CSMD3: variants seen among roughly 807,000 people sequenced by gnomAD.
CSMD3 encodes the protein CUB and sushi domain-containing protein 3.
A neutral mutation model predicts 435.2 loss-of-function variants in CSMD3; 177 were observed. The observed-to-expected ratio is 0.41, with a 90% CI of 0.36 to 0.46. CSMD3 has a LOEUF of 0.46. Ranked by LOEUF, CSMD3 falls within the 20% of genes least tolerant of loss-of-function variation. The pLI, the probability that CSMD3 is intolerant of heterozygous loss-of-function variation, is 0.34. For synonymous variants in CSMD3, 1,656 were observed against 1,520.5 expected (o/e 1.09, Z -2.07); for missense variants, 4,265 against 4,504.6 (o/e 0.95, Z 1.52).
At chr8:113,131,881 G>A (rs1390683205) in intron 4 of CSMD3, among the ~76,000 whole-genome samples, 1 of 152,186 alleles carries the variant, frequency 6.6e-6, no homozygotes, top group Non-Finnish European at 1.5e-5. Flanking sequence ...CTTGCATCTA[G>A]GCAAGTTCTC....
intron 13 of CSMD3, among the ~76,000 whole-genome samples, chr8:112,751,396 A>C (rs1233247840): frequency 1.3e-5 from 2 of 152,170 alleles, no homozygotes; most frequent in Non-Finnish European, 2.9e-5. Context: ...TGATATATAA[A>C]TTGCAAATAT....
At chr8:112,325,466 C>A (rs1735693526) in intron 45 of CSMD3, among the ~76,000 whole-genome samples, 1 of 152,012 alleles carries the variant, frequency 6.6e-6, no homozygotes, top group Admixed American at 6.6e-5. Flanking sequence ...AAGAATTATG[C>A]ATTTGTTTAC....
intron 1 of CSMD3, among the ~76,000 whole-genome samples, chr8:113,357,643 C>T (rs1285573484): frequency 6.6e-6 from 1 of 151,938 alleles, no homozygotes; most frequent in African/African-American, 2.4e-5. Flanking sequence ...GGCTTGTGCC[C>T]CCACCCAAAT....
At chr8:112,449,262 G>GA (rs918997015) in intron 32 of CSMD3, among the ~76,000 whole-genome samples, 13 of 152,010 alleles carry the variant, frequency 8.6e-5, no homozygotes, top group African/African-American at 3.1e-4. Context: ...CATGAGAAAG[G>GA]AAAAAAGATT....
At chr8:112,921,881 A>C in intron 9 of CSMD3, 130 bp from the exon 10 acceptor site, 1 of 703,726 alleles carries the variant, frequency 1.4e-6, no homozygotes, top group Non-Finnish European at 2.5e-6. Flanking sequence ...GGAAAACAAA[A>C]TGTGAAAGTA....
At chr8:113,276,609 C>A (rs1474124328) in intron 3 of CSMD3, among the ~76,000 whole-genome samples, 1 of 151,972 alleles carries the variant, frequency 6.6e-6, no homozygotes, top group Non-Finnish European at 1.5e-5. Flanking sequence ...GGATACAAAC[C>A]CAGCCCACTG....
chr8:113,256,617 C>T (rs1314298001), intron 3 of CSMD3, among the ~76,000 whole-genome samples: 1 of 152,168 alleles, frequency 6.6e-6, no homozygotes, highest in Non-Finnish European at 1.5e-5. Flanking sequence ...GTGCAGAAAC[C>T]TCATTTAGAG....
Position 112,639,464 on chromosome 8 carries a change from T to C in CSMD3, c.3311-553A>G, listed in dbSNP as rs117058425. Among the ~76,000 whole-genome samples, 8 of 152,278 alleles carry C rather than the reference T, an allele frequency of 5.3e-5. No individual in the cohort carries two copies. The East Asian group carries it at 1.2e-3, about 22-fold the overall frequency. ...GTGCATATAATATGCAAAAAATGTA[T>C]ATATAAGTGTTCAGGTCAATAGTTT... is the stretch of plus-strand genomic sequence containing the variant. On this transcript the variant is annotated intron_variant, in intron 20 of 70. Transcript: ENST00000297405.
At chr8:113,323,844 T>G (rs1468259956) in intron 1 of CSMD3, among the ~76,000 whole-genome samples, 1 of 152,224 alleles carries the variant, frequency 6.6e-6, no homozygotes, top group African/African-American at 2.4e-5. Flanking sequence ...TGTAAAATTA[T>G]GTATGTTCCT....
intron 14 of CSMD3, among the ~76,000 whole-genome samples, chr8:112,686,018 T>C (rs748721547): frequency 2.5e-4 from 38 of 152,178 alleles, no homozygotes; most frequent in Admixed American, 3.9e-4. Flanking sequence ...GTATAAAGTG[T>C]TCATTTCAGT....
intron 45 of CSMD3, among the ~76,000 whole-genome samples, chr8:112,328,398 A>T (rs1412198637): frequency 6.6e-6 from 1 of 152,200 alleles, no homozygotes; most frequent in Non-Finnish European, 1.5e-5. Context: ...GTGAGTTGAC[A>T]TGAAGATAGA....
intron 6 of CSMD3, among the ~76,000 whole-genome samples, chr8:113,002,316 C>G (rs1243227459): frequency 1.3e-5 from 2 of 152,080 alleles, no homozygotes; most frequent in African/African-American, 2.4e-5. Flanking sequence ...GATTCCAGCA[C>G]TCAGAAATTT....
At chr8:113,097,393 G>T (rs1208572053) in intron 5 of CSMD3, among the ~76,000 whole-genome samples, 1 of 151,948 alleles carries the variant, frequency 6.6e-6, no homozygotes, top group Non-Finnish European at 1.5e-5. Flanking sequence ...TCCCTTGTCT[G>T]CATGAAAGTA....
intron 9 of CSMD3, among the ~76,000 whole-genome samples, chr8:112,945,104 T>C (rs1389596553): frequency 1.3e-5 from 2 of 151,656 alleles, no homozygotes; most frequent in Non-Finnish European, 3.0e-5. Flanking sequence ...GTTCACACTT[T>C]ATTAAACATT....
intron 52 of CSMD3, among the ~76,000 whole-genome samples, 184 bp from the exon 53 acceptor site, chr8:112,302,150 G>A (rs1220358674): frequency 6.6e-6 from 1 of 151,498 alleles, no homozygotes; most frequent in Non-Finnish European, 1.5e-5. Context: ...AACGTAAAAT[G>A]TACCCTCTTT....
chr8:112,803,392 A>T (rs1446581240), intron 12 of CSMD3, among the ~76,000 whole-genome samples: 2 of 152,176 alleles, frequency 1.3e-5, no homozygotes, highest in African/African-American at 4.8e-5. Context: ...GCCTTGTTTG[A>T]GGAAACAGAT....
At chr8:112,273,412 G>A (rs1317086858) in intron 59 of CSMD3, among the ~76,000 whole-genome samples, 1 of 152,122 alleles carries the variant, frequency 6.6e-6, no homozygotes, top group African/African-American at 2.4e-5. Context: ...TAGCCATACA[G>A]TTGTAGGCCC....
intron 63 of CSMD3, among the ~76,000 whole-genome samples, chr8:112,252,053 A>C (rs548485784): frequency 6.6e-6 from 1 of 152,020 alleles, no homozygotes; most frequent in South Asian, 2.1e-4. Context: ...TAAATCTATA[A>C]AGAAAAAGAG....
Position 112,506,584 on chromosome 8 carries a change from C to CA in CSMD3, c.4895+106dup, listed in dbSNP as rs1408756062. 16 of 1,120,976 alleles carry CA rather than the reference C, an allele frequency of 1.4e-5. No individual in the cohort carries two copies. The East Asian group carries it at 3.2e-4, about 22-fold the overall frequency. The allele number at this position is 1,120,976 out of a possible 1,614,324, so 69.4% of individuals were successfully genotyped here. A position where few individuals can be genotyped will look rare whatever the true frequency, so the allele number is the denominator to read the frequency against. On this transcript the variant is annotated intron_variant, in intron 29 of 70. Transcript: ENST00000297405. ...TAGCACTGGGATAAGTAAAAAATAA[C>CA]AAAAAATGCTATATACAGAAATAGG...
Sources: gnomAD v4.1 joint callset for allele counts (sites outside exome capture counted in the v4.1 genomes callset) on GRCh38, gnomAD v4.1.1 for gene constraint, MANE v1.5 for transcripts, NCBI Gene and HGNC (gene_info 2026-07-23, HGNC 2026-07-21) for gene names.